ANKFN1: variants seen among roughly 807,000 people sequenced by gnomAD.
ANKFN1 encodes ankyrin repeat and fibronectin type III domain containing 1, also known as ankyrin repeat and fibronectin type-III domain-containing protein 1.
ANKFN1 carries 74 observed loss-of-function variants against 108.7 expected under a neutral mutation model. That is an observed-to-expected ratio of 0.68 (90% CI 0.56 to 0.83). The LOEUF is 0.83. Among genes scored for constraint, ANKFN1 ranks in the 40% least tolerant of loss-of-function variants. The pLI is 0.00. For synonymous variants in ANKFN1, 547 were observed against 516.2 expected (o/e 1.06, Z -0.81); for missense variants, 1,505 against 1,382.3 (o/e 1.09, Z -1.41).
chr17:56,059,155 T>C (rs1027549613), intron 4 of ANKFN1, among the ~76,000 whole-genome samples: 1 of 152,238 alleles, frequency 6.6e-6, no homozygotes, highest in Admixed American at 6.5e-5. Context: ...TATCCCATTG[T>C]GGTTTTGATT....
At chr17:56,375,624 AT>A (rs1221720773) in intron 8 of ANKFN1, among the ~76,000 whole-genome samples, 3 of 152,134 alleles carry the variant, frequency 2.0e-5, no homozygotes, top group African/African-American at 7.2e-5. Context: ...AGAAATAGAG[AT>A]TTAGAAGAAG....
intron 3 of ANKFN1, among the ~76,000 whole-genome samples, chr17:56,297,572 A>T (rs2044551089): frequency 1.3e-5 from 2 of 152,234 alleles, no homozygotes; most frequent in Non-Finnish European, 2.9e-5. Flanking sequence ...CACCTGGTCC[A>T]TTGTAGAAGT....
intron 20 of ANKFN1, among the ~76,000 whole-genome samples, chr17:56,509,746 A>C (rs2051684400): frequency 6.6e-6 from 1 of 152,228 alleles, no homozygotes; most frequent in African/African-American, 2.4e-5. Flanking sequence ...TACAGTAAGG[A>C]AGAAAAGCAT....
intron 8 of ANKFN1, among the ~76,000 whole-genome samples, chr17:56,438,305 G>C (rs758224687): frequency 1.3e-5 from 2 of 152,148 alleles, no homozygotes; most frequent in Non-Finnish European, 2.9e-5. Context: ...GCAGAGGTTG[G>C]AAGATGGGGA....
intron 15 of ANKFN1, among the ~76,000 whole-genome samples, chr17:56,474,678 G>A (rs2050439033): frequency 6.6e-6 from 1 of 152,028 alleles, no homozygotes. Flanking sequence ...AGTATCCCAA[G>A]GTGCATATCA....
intron 3 of ANKFN1, among the ~76,000 whole-genome samples, chr17:56,318,554 C>T (rs1049461407): frequency 6.6e-6 from 1 of 152,150 alleles, no homozygotes; most frequent in Admixed American, 6.6e-5. Flanking sequence ...AAGGGAATTA[C>T]ATAGAGCCCC....
At chr17:56,488,041 G>C (rs2050910228) in intron 18 of ANKFN1, among the ~76,000 whole-genome samples, 1 of 152,042 alleles carries the variant, frequency 6.6e-6, no homozygotes, top group Non-Finnish European at 1.5e-5. Flanking sequence ...ACACTAAGAG[G>C]GTATGACTTT....
intron 4 of ANKFN1, among the ~76,000 whole-genome samples, chr17:56,091,818 G>C (rs928615133): frequency 6.6e-6 from 1 of 151,308 alleles, no homozygotes; most frequent in Non-Finnish European, 1.5e-5. Context: ...GTGCTGCAGA[G>C]GTAAATGTAT....
chr17:56,465,664 T>G (rs181178136), intron 14 of ANKFN1, among the ~76,000 whole-genome samples: 55 of 152,358 alleles, frequency 3.6e-4, no homozygotes, highest in African/African-American at 1.3e-3. Flanking sequence ...TCCTGTTTAT[T>G]TTAGGAATAA....
intron 4 of ANKFN1, among the ~76,000 whole-genome samples, chr17:56,335,393 G>C (rs559294506): frequency 1.3e-5 from 2 of 151,966 alleles, no homozygotes; most frequent in Admixed American, 6.6e-5. Context: ...CCTTTATTTC[G>C]TTGAGCAGTG....
chr17:56,157,841 G>A (rs976076745), intron 1 of ANKFN1, among the ~76,000 whole-genome samples: 2 of 152,318 alleles, frequency 1.3e-5, no homozygotes, highest in Middle Eastern at 3.4e-3. Flanking sequence ...CGTGGAATCC[G>A]AATTTTAGCT....
chr17:56,506,436 C>A (rs1261029622), intron 20 of ANKFN1, among the ~76,000 whole-genome samples: 2 of 152,078 alleles, frequency 1.3e-5, no homozygotes, highest in African/African-American at 4.8e-5. Flanking sequence ...GCAGAGATAG[C>A]AGTGGCATGC....
chr17:56,354,655 A>G (rs2046328544), intron 6 of ANKFN1, among the ~76,000 whole-genome samples: 1 of 152,232 alleles, frequency 6.6e-6, no homozygotes, highest in Non-Finnish European at 1.5e-5. Flanking sequence ...TATTTTAAAT[A>G]GGGTTGATAC....
intron 1 of ANKFN1, among the ~76,000 whole-genome samples, chr17:56,158,969 A>G (rs1285874020): frequency 6.6e-6 from 1 of 151,500 alleles, no homozygotes; most frequent in Non-Finnish European, 1.5e-5. Flanking sequence ...TTGCCCCATT[A>G]ACAAGATTCC....
chr17:56,318,834 T>C (rs2045282510), intron 3 of ANKFN1, among the ~76,000 whole-genome samples: 1 of 152,226 alleles, frequency 6.6e-6, no homozygotes, highest in Non-Finnish European at 1.5e-5. Context: ...TCGTCATTGA[T>C]AATGATCTGT....
At chr17:56,490,728 GAGA>G (rs1357204046) in intron 18 of ANKFN1, among the ~76,000 whole-genome samples, 1 of 152,166 alleles carries the variant, frequency 6.6e-6, no homozygotes, top group Non-Finnish European at 1.5e-5. Context: ...AAACAGAGCA[GAGA>G]AGATGAGAAG....
At chr17:56,482,925 C>T (rs996992168) in intron 18 of ANKFN1, among the ~76,000 whole-genome samples, 11 of 151,958 alleles carry the variant, frequency 7.2e-5, no homozygotes, top group East Asian at 1.9e-4. Context: ...CTCTCCTTTC[C>T]TCCCTTTCTC....
chr17:56,508,299 A>G (rs11868925), intron 20 of ANKFN1, among the ~76,000 whole-genome samples: 14,806 of 152,266 alleles, frequency 0.097, 767 homozygotes, highest in South Asian at 0.15. Context: ...AAAATAAGGT[A>G]CAAACTCCTT....
At chr17:56,201,148 A>G (rs186990744) in intron 1 of ANKFN1, among the ~76,000 whole-genome samples, 147 of 152,276 alleles carry the variant, frequency 9.7e-4, no homozygotes, top group Non-Finnish European at 1.7e-3. Flanking sequence ...ATTGCTCTTA[A>G]TATAAAATGA....
Sources: gnomAD v4.1 joint callset for allele counts (sites outside exome capture counted in the v4.1 genomes callset) on GRCh38, gnomAD v4.1.1 for gene constraint, MANE v1.5 for transcripts, NCBI Gene and HGNC (gene_info 2026-07-23, HGNC 2026-07-21) for gene names.